PSMA1: variants seen among roughly 807,000 people sequenced by gnomAD.
PSMA1 encodes proteasome 20S subunit alpha 1.
Under a neutral mutation model 38.4 loss-of-function variants are expected in PSMA1, and 3 were observed. The observed-to-expected ratio is 0.08, with a 90% CI of 0.04 to 0.20. PSMA1 has a LOEUF of 0.20. Ranked by LOEUF, PSMA1 falls within the 10% of genes least tolerant of loss-of-function variation. PSMA1 has a pLI of 1.00. For missense variants in PSMA1, 227 were observed against 325.3 expected (o/e 0.70, Z 2.32); for synonymous variants, 101 against 107.1 (o/e 0.94, Z 0.35).
intron 2 of PSMA1, among the ~76,000 whole-genome samples, chr11:14,550,185 C>G (rs556201931): frequency 2.6e-5 from 4 of 152,218 alleles, no homozygotes; most frequent in African/African-American, 9.6e-5. Context: ...CGTGAAAAAG[C>G]GTCCTTGTGC....
In PSMA1 at chr11:14,534,207, TA is replaced by T. The variant is rs1286887294; in HGVS notation, c.22-15167del. ...AAAAATACATACATACATACATACA[TA>T]AATAAAATAAAATAAAAATTAATAT... is the stretch of plus-strand genomic sequence containing the variant. On this transcript the variant is annotated intron_variant, in intron 2 of 10. Coordinates refer to the PSMA1 transcript ENST00000418988. This position sits in a 1 kb window ranked among gnomAD's most constrained non-coding sequence, Gnocchi z 4.5. 6.6e-6 allele frequency among the ~76,000 whole-genome samples: 1 copy of T among 152,056 alleles called. No individual in the cohort carries two copies. The highest frequency in any genetic ancestry group is 2.4e-5 in the African/African-American group (1 of 41,410).
At chr11:14,630,178 C>A (rs1289626464) in intron 1 of PSMA1, among the ~76,000 whole-genome samples, 2 of 152,070 alleles carry the variant, frequency 1.3e-5, no homozygotes, top group Non-Finnish European at 1.5e-5. Flanking sequence ...CCTAATTGCC[C>A]TGGCCAGAAC....
intron 2 of PSMA1, among the ~76,000 whole-genome samples, chr11:14,572,271 A>T (rs1357230505): frequency 1.3e-5 from 2 of 152,142 alleles, no homozygotes; most frequent in East Asian, 1.9e-4. Context: ...GAAGTAAAGC[A>T]CTCCTCAGCA....
intron 2 of PSMA1, among the ~76,000 whole-genome samples, chr11:14,545,260 A>G (rs182760621): frequency 6.6e-6 from 1 of 152,376 alleles, no homozygotes; most frequent in Admixed American, 6.5e-5. Flanking sequence ...TATTAAAAAC[A>G]AATTTGGGAT....
At chr11:14,552,046 C>T (rs531592770) in intron 2 of PSMA1, among the ~76,000 whole-genome samples, 88 of 152,218 alleles carry the variant, frequency 5.8e-4, no homozygotes, top group African/African-American at 2.0e-3. Context: ...AAAAGCTAAG[C>T]TGATTGACTA....
chr11:14,537,300 A>G (rs1851720188), intron 2 of PSMA1, among the ~76,000 whole-genome samples: 1 of 152,190 alleles, frequency 6.6e-6, no homozygotes, highest in African/African-American at 2.4e-5. Context: ...GCCCAGAAAA[A>G]TACGTGCATT....
intron 2 of PSMA1, among the ~76,000 whole-genome samples, chr11:14,555,025 G>A (rs1014491953): frequency 7.9e-5 from 12 of 152,150 alleles, no homozygotes; most frequent in Admixed American, 5.2e-4. Flanking sequence ...CACCTATGTT[G>A]AGAGACATGA....
intron 2 of PSMA1, among the ~76,000 whole-genome samples, chr11:14,610,475 G>A (rs902827249): frequency 6.6e-6 from 1 of 152,204 alleles, no homozygotes; most frequent in Non-Finnish European, 1.5e-5. Context: ...CCTCAGCAGA[G>A]ACGTGAATTA....
intron 2 of PSMA1, among the ~76,000 whole-genome samples, chr11:14,599,402 C>T (rs560240654): frequency 1.3e-5 from 2 of 152,330 alleles, no homozygotes; most frequent in South Asian, 2.1e-4. Context: ...GGTCTTTTCA[C>T]ATAGTCCCAT....
chr11:14,548,886 T>G (rs776608457), intron 2 of PSMA1, among the ~76,000 whole-genome samples: 5 of 152,218 alleles, frequency 3.3e-5, no homozygotes, highest in Non-Finnish European at 7.3e-5. Flanking sequence ...AGAGATTTCC[T>G]TATAAGATAC....
At chr11:14,540,270 T>G (rs1851758879) in intron 2 of PSMA1, among the ~76,000 whole-genome samples, 1 of 152,118 alleles carries the variant, frequency 6.6e-6, no homozygotes, top group Non-Finnish European at 1.5e-5. Flanking sequence ...AAACTGGAAC[T>G]CTCCATCCAG....
At chr11:14,631,200 T>C (rs536933861) in intron 1 of PSMA1, among the ~76,000 whole-genome samples, 74 of 152,320 alleles carry the variant, frequency 4.9e-4, no homozygotes, top group African/African-American at 1.8e-3. Context: ...TTTCTTGCCT[T>C]CTGCTAGCTT....
chr11:14,533,153 A>G (rs996601645), intron 2 of PSMA1, among the ~76,000 whole-genome samples: 4 of 152,206 alleles, frequency 2.6e-5, no homozygotes, highest in Non-Finnish European at 5.9e-5. Flanking sequence ...CTTGAATCTA[A>G]GCCTGAGCTC....
intron 2 of PSMA1, among the ~76,000 whole-genome samples, chr11:14,576,042 C>G (rs1202221724): frequency 6.6e-6 from 1 of 152,056 alleles, no homozygotes; most frequent in African/African-American, 2.4e-5. Context: ...GTGTCTGTTG[C>G]CTGCATAAAT....
At chr11:14,506,985 T>C (rs751218144) in intron 9 of PSMA1, among the ~76,000 whole-genome samples, 2 of 152,134 alleles carry the variant, frequency 1.3e-5, no homozygotes, top group African/African-American at 2.4e-5. Context: ...GTGTTCCAGT[T>C]GCACCCCACA....
upstream of PSMA1, chr11:14,520,506 C>T: frequency 1.4e-6 from 2 of 1,430,210 alleles, no homozygotes; most frequent in South Asian, 1.4e-5. Context: ...GCGGGCGGAG[C>T]CTCGGAAGAT....
At chr11:14,627,345 G>C (rs1852924333) in intron 1 of PSMA1, among the ~76,000 whole-genome samples, 1 of 152,142 alleles carries the variant, frequency 6.6e-6, no homozygotes, top group Admixed American at 6.5e-5. Flanking sequence ...GGTTACTTGA[G>C]GTGCTTGGTA....
intron 2 of PSMA1, among the ~76,000 whole-genome samples, chr11:14,584,969 A>G (rs898962688): frequency 1.2e-4 from 19 of 152,202 alleles, no homozygotes; most frequent in African/African-American, 4.3e-4. Flanking sequence ...CTTATACACT[A>G]CAGTAACCCT....
chr11:14,598,277 A>G (rs1852528035), intron 2 of PSMA1, among the ~76,000 whole-genome samples: 1 of 152,146 alleles, frequency 6.6e-6, no homozygotes, highest in East Asian at 1.9e-4. Flanking sequence ...CTTGGTGCAG[A>G]GCTGAGTTCA....
Sources: allele counts gnomAD v4.1 joint callset (sites outside exome capture counted in the v4.1 genomes callset), GRCh38; gene constraint gnomAD v4.1.1; non-coding constraint Gnocchi (gnomAD v3.1); transcripts MANE v1.5; gene names NCBI Gene and HGNC (gene_info 2026-07-23, HGNC 2026-07-21).